PLCE1: variants seen among roughly 807,000 people sequenced by gnomAD.
PLCE1 encodes phospholipase C epsilon 1, also known as 1-phosphatidylinositol 4,5-bisphosphate phosphodiesterase epsilon-1.
A neutral mutation model predicts 242.8 loss-of-function variants in PLCE1; 119 were observed. The ratio of observed to expected loss-of-function variants is 0.49; its 90% CI spans 0.42 to 0.57. PLCE1 has a LOEUF of 0.57. Among genes scored for constraint, PLCE1 ranks in the 20% least tolerant of loss-of-function variants. The pLI is 0.00. For synonymous variants in PLCE1, 945 were observed against 1,017.4 expected (o/e 0.93, Z 1.35); for missense variants, 2,441 against 2,788.8 (o/e 0.88, Z 2.81).
intron 7 of PLCE1, among the ~76,000 whole-genome samples, chr10:94,240,734 T>C (rs2050478277): frequency 6.6e-6 from 1 of 152,194 alleles, no homozygotes; most frequent in Admixed American, 6.5e-5. Flanking sequence ...GACAAGTATT[T>C]ATCTGTCTAC....
rs199653498 is a variant in PLCE1, at chr10:94,304,524, G to A, written c.5501G>A (p.Gly1834Asp). The A allele has an allele frequency of 4.3e-6, 7 of 1,614,092 alleles. No individual in the cohort carries two copies. The African/African-American group carries it at 5.3e-5, about 12-fold the overall frequency. Residue 1834 changes from glycine to aspartate, a missense_variant, in exon 25 of 33, where the codon GGT (glycine) becomes GAT (aspartate). This residue lies in a region of PLCE1 where 1,004 missense variants were observed against 1,322.7 expected (regional missense o/e 0.76). Transcript: ENST00000371380. ...AATGCTGCAATGTTTGAGGCAAATG[G>A]TGGTTGTGGTTATGTATTGAAACCT... ...HLNAAMFEAN[G>D]GCGYVLKPPV...
In PLCE1 at chr10:94,031,937, G is replaced by T; in HGVS notation, c.891G>T (p.Leu297Phe). The change falls in exon 2 of 33, where the codon TTG (leucine) becomes TTT (phenylalanine). Residue 297 changes from leucine (L) to phenylalanine (F), a missense_variant. This residue lies in a region of PLCE1 where 393 missense variants were observed against 378.5 expected (regional missense o/e 1.04). Coordinates refer to ENST00000371380, the MANE Select transcript of PLCE1 (RefSeq NM_016341.4). The part of the protein sequence containing the change: ...FTDSQAAKTF[L>F]SHFEDFPDNC... Reference sequence around the variant, plus strand: ...ACAGTCAAGCTGCCAAGACCTTTTTGAGCCATTTTGAGGACTTCCCTGATA... The same window carrying T: ...ACAGTCAAGCTGCCAAGACCTTTTTTAGCCATTTTGAGGACTTCCCTGATA... 6.2e-7 allele frequency: 1 copy of T among 1,613,872 alleles called. No homozygotes were observed. Among genetic ancestry groups the T allele is most frequent in the Non-Finnish European group, 8.5e-7 (1 of 1,179,846 alleles).
intron 4 of PLCE1, among the ~76,000 whole-genome samples, chr10:94,204,899 T>C (rs994801710): frequency 1.3e-5 from 2 of 152,212 alleles, no homozygotes; most frequent in African/African-American, 4.8e-5. Context: ...CCATATTTTA[T>C]ATTGATTGTT....
chr10:94,181,080 C>T (rs1053562535), intron 4 of PLCE1, among the ~76,000 whole-genome samples: 5 of 152,216 alleles, frequency 3.3e-5, no homozygotes, highest in African/African-American at 1.2e-4. Context: ...TGCCTTGCAC[C>T]TTGTCAGACA....
chr10:93,994,964 G>A (rs893915403), intron 1 of PLCE1, among the ~76,000 whole-genome samples: 1 of 152,176 alleles, frequency 6.6e-6, no homozygotes, highest in East Asian at 1.9e-4. Flanking sequence ...TTATTTGCAC[G>A]AAGGTCATAA....
At chr10:94,217,278 T>G (rs567115512) in intron 4 of PLCE1, among the ~76,000 whole-genome samples, 114 of 152,074 alleles carry the variant, frequency 7.5e-4, no homozygotes, top group African/African-American at 2.5e-3. Flanking sequence ...TGGAGAGTGT[T>G]GTTATTGTAA....
intron 26 of PLCE1, 95 bp from the exon 27 acceptor site, chr10:94,308,486 T>TC (rs2133670308): frequency 1.1e-6 from 1 of 870,264 alleles, no homozygotes; most frequent in Non-Finnish European, 2.0e-6. Context: ...CTGCCCATTT[T>TC]AAGGTCTTTC....
chr10:94,249,052 C>T (rs538515705), intron 8 of PLCE1, among the ~76,000 whole-genome samples: 8 of 152,240 alleles, frequency 5.3e-5, no homozygotes, highest in African/African-American at 1.9e-4. Context: ...CTCCACCCTC[C>T]CCCACCACCC....
chr10:94,074,596 G>T (rs1013871860), intron 2 of PLCE1, among the ~76,000 whole-genome samples: 2 of 152,072 alleles, frequency 1.3e-5, no homozygotes, highest in African/African-American at 4.8e-5. Flanking sequence ...ATCTCTAAAT[G>T]GAACTGCTTT....
intron 24 of PLCE1, among the ~76,000 whole-genome samples, chr10:94,303,084 G>A (rs1304552788): frequency 6.6e-6 from 1 of 152,202 alleles, no homozygotes; most frequent in East Asian, 1.9e-4. Flanking sequence ...CAGATAAGGA[G>A]CTTTCATATG....
chr10:94,221,412 G>A (rs149771836), intron 4 of PLCE1, among the ~76,000 whole-genome samples: 345 of 152,326 alleles, frequency 2.3e-3, no homozygotes, highest in Non-Finnish European at 4.4e-3. Flanking sequence ...GGATAGGTAT[G>A]GATGTGCACT....
At chr10:94,193,278 T>G (rs2048724190) in intron 4 of PLCE1, among the ~76,000 whole-genome samples, 1 of 151,980 alleles carries the variant, frequency 6.6e-6, no homozygotes, top group South Asian at 2.1e-4. Flanking sequence ...GAAACTAGGG[T>G]GCAGTGGTGA....
chr10:94,217,080 T>C (rs2049554254), intron 4 of PLCE1, among the ~76,000 whole-genome samples: 1 of 151,134 alleles, frequency 6.6e-6, no homozygotes, highest in Admixed American at 6.6e-5. Flanking sequence ...AGTAGCATGG[T>C]AATGTAAAAG....
intron 3 of PLCE1, among the ~76,000 whole-genome samples, chr10:94,169,630 T>C (rs542243404): frequency 1.3e-5 from 2 of 152,184 alleles, no homozygotes; most frequent in African/African-American, 4.8e-5. Flanking sequence ...GGTTTGGGAA[T>C]GTGAGAAGAA....
chr10:94,283,921 C>T lies in PLCE1; in HGVS notation c.4917+10C>T, dbSNP rs375867724. On this transcript the variant is annotated intron_variant, in intron 21 of 32. Transcript: ENST00000371380. ...TTGCAACAAAGGAAAGGTGGGTGAACGGTTTCTGTTAAATGACACTTTGAC... is the reference window on the plus strand; with the variant it reads ...TTGCAACAAAGGAAAGGTGGGTGAATGGTTTCTGTTAAATGACACTTTGAC... 14 of 1,608,602 alleles carry T rather than the reference C, an allele frequency of 8.7e-6. No homozygotes were observed. Among genetic ancestry groups the T allele is most frequent in the South Asian group, 2.2e-5 (2 of 90,680 alleles).
intron 23 of PLCE1, among the ~76,000 whole-genome samples, chr10:94,297,318 G>A (rs576155895): frequency 6.6e-6 from 1 of 152,166 alleles, no homozygotes; most frequent in South Asian, 2.1e-4. Context: ...TGGGTGAAGG[G>A]CTGGTGGGTA....
intron 2 of PLCE1, among the ~76,000 whole-genome samples, chr10:94,044,450 T>G (rs1300038442): frequency 6.6e-6 from 1 of 152,228 alleles, no homozygotes; most frequent in African/African-American, 2.4e-5. Flanking sequence ...TCTTAAAAAC[T>G]GAATGGAGGT....
At chr10:94,083,123 T>C (rs2044701544) in intron 2 of PLCE1, among the ~76,000 whole-genome samples, 1 of 152,192 alleles carries the variant, frequency 6.6e-6, no homozygotes, top group African/African-American at 2.4e-5. Context: ...TCTGTTTGCA[T>C]TGCATCAGAT....
chr10:94,315,588 G>A, intron 28 of PLCE1: 9 of 439,564 alleles, frequency 2.0e-5, no homozygotes, highest in South Asian at 1.3e-4. Flanking sequence ...GGCCAACATG[G>A]TGAAACCCTG....
Sources: allele counts gnomAD v4.1 joint callset (sites outside exome capture counted in the v4.1 genomes callset), GRCh38; gene constraint gnomAD v4.1.1; regional missense constraint gnomAD v4.1.1; transcripts MANE v1.5; gene names NCBI Gene and HGNC (gene_info 2026-07-23, HGNC 2026-07-21).